Variants in SLC25A48 observed in about 807,000 individuals in gnomAD.
SLC25A48 encodes CTC-321K16.1.
In SLC25A48, 29 loss-of-function variants were observed where a neutral mutation model predicts 32.2. The ratio of observed to expected loss-of-function variants is 0.90; its 90% CI spans 0.67 to 1.23. SLC25A48 has a LOEUF of 1.23. Among genes scored for constraint, SLC25A48 ranks in the 50% most tolerant of loss-of-function variants. The pLI, the probability that SLC25A48 is intolerant of heterozygous loss-of-function variation, is 0.00. For synonymous variants in SLC25A48, 164 were observed against 172.3 expected, an observed-to-expected ratio of 0.95 and a Z score of 0.38; for missense variants, 399 against 422.7, an observed-to-expected ratio of 0.94 and a Z score of 0.49.
chr5:135,767,937 T>C (rs1756286464), intron 3 of SLC25A48, among the ~76,000 whole-genome samples: 1 of 146,298 alleles, frequency 6.8e-6, no homozygotes, highest in African/African-American at 2.7e-5. Flanking sequence ...CACACCCCTG[T>C]GATATTGTTT....
chr5:135,584,141 AG>A (rs1164612800), intron 1 of SLC25A48, among the ~76,000 whole-genome samples: 1 of 152,250 alleles, frequency 6.6e-6, no homozygotes, highest in African/African-American at 2.4e-5. Context: ...GATGGGTCAC[AG>A]GGGGCACTGC....
chr5:135,853,790 A>G (rs1271301750), intron 4 of SLC25A48, among the ~76,000 whole-genome samples: 2 of 152,232 alleles, frequency 1.3e-5, no homozygotes, highest in Admixed American at 1.3e-4. Context: ...AAGAGCATCT[A>G]GAATGGTGAA....
intron 1 of SLC25A48, among the ~76,000 whole-genome samples, chr5:135,600,512 C>A (rs1751770071): frequency 6.6e-6 from 1 of 152,162 alleles, no homozygotes. Flanking sequence ...CCTGACTAAC[C>A]TTCCTCGGGC....
chr5:135,832,090 G>A (rs73789198), upstream of SLC25A48, among the ~76,000 whole-genome samples: 7,674 of 152,194 alleles, frequency 0.05, 427 homozygotes, highest in African/African-American at 0.14. Flanking sequence ...AGGCACTGGC[G>A]GAGGAAGAGA....
chr5:135,806,183 C>T (rs1245292893), intron 3 of SLC25A48, among the ~76,000 whole-genome samples: 1 of 151,424 alleles, frequency 6.6e-6, no homozygotes, highest in Admixed American at 6.6e-5. Flanking sequence ...ATGTACACCC[C>T]GTGATATGAT....
chr5:135,590,016 A>T (rs1201022759), intron 1 of SLC25A48, among the ~76,000 whole-genome samples: 1 of 152,118 alleles, frequency 6.6e-6, no homozygotes, highest in Non-Finnish European at 1.5e-5. Flanking sequence ...AATCCAGTCT[A>T]TTGGTTTTCA....
At chr5:135,884,403 G>A (rs762873621) in intron 7 of SLC25A48, among the ~76,000 whole-genome samples, 1 of 152,124 alleles carries the variant, frequency 6.6e-6, no homozygotes, top group African/African-American at 2.4e-5. Context: ...GGGACTGCAG[G>A]GTCCCCTGGG....
chr5:135,850,571 C>A, intron 3 of SLC25A48, 75 bp downstream of exon 3: 1 of 1,414,888 alleles, frequency 7.1e-7, no homozygotes, highest in Non-Finnish European at 9.9e-7. Flanking sequence ...CACAGCCCCA[C>A]ACCAGCATGC....
intron 3 of SLC25A48, among the ~76,000 whole-genome samples, chr5:135,723,360 TCA>T (rs1340823138): frequency 9.2e-5 from 10 of 108,736 alleles, no homozygotes; most frequent in Non-Finnish European, 1.8e-4. Context: ...AGTCTGTCTC[TCA>T]CTCTCTCTCT....
intron 3 of SLC25A48, among the ~76,000 whole-genome samples, chr5:135,712,795 CT>C (rs1375224812): frequency 2.0e-5 from 3 of 152,194 alleles, no homozygotes; most frequent in African/African-American, 7.2e-5. Flanking sequence ...CTAGACATGA[CT>C]GAGGAGCACA....
intron 1 of SLC25A48, among the ~76,000 whole-genome samples, chr5:135,585,501 A>G (rs1358450026): frequency 1.3e-5 from 2 of 152,082 alleles, no homozygotes; most frequent in African/African-American, 2.4e-5. Context: ...AAAGGCTCCT[A>G]TGAGGTCTTC....
At chr5:135,765,220 G>A (rs915293181) in intron 3 of SLC25A48, among the ~76,000 whole-genome samples, 2 of 151,412 alleles carry the variant, frequency 1.3e-5, no homozygotes, top group South Asian at 2.1e-4. Context: ...ATCCAGGGTG[G>A]GAGATGGTGA....
At chr5:135,886,697 A>T (rs796374580) in intron 7 of SLC25A48, among the ~76,000 whole-genome samples, 9,652 of 131,680 alleles carry the variant, frequency 0.073, 757 homozygotes, top group African/African-American at 0.087. Flanking sequence ...AGAGAGAGAG[A>T]GAGAGTGTGT....
intron 2 of SLC25A48, among the ~76,000 whole-genome samples, chr5:135,845,719 C>T (rs1252148781): frequency 2.0e-5 from 3 of 152,126 alleles, no homozygotes; most frequent in Non-Finnish European, 2.9e-5. Context: ...CAGCAATGAG[C>T]GAGATGATGC....
chr5:135,832,128 A>G (rs1164939382), upstream of SLC25A48, among the ~76,000 whole-genome samples: 2 of 152,028 alleles, frequency 1.3e-5, no homozygotes, highest in Non-Finnish European at 2.9e-5. Flanking sequence ...CGCTAAGATG[A>G]CCCGAGCCAC....
chr5:135,804,132 TATGA>T (rs1757403134), intron 3 of SLC25A48, among the ~76,000 whole-genome samples: 1 of 151,554 alleles, frequency 6.6e-6, no homozygotes, highest in Admixed American at 6.6e-5. Flanking sequence ...CCTATGATAT[TATGA>T]ATGATGTCAC....
At chr5:135,668,996 G>A (rs904885022) in intron 3 of SLC25A48, among the ~76,000 whole-genome samples, 16 of 152,158 alleles carry the variant, frequency 1.1e-4, no homozygotes, top group Admixed American at 7.9e-4. Context: ...TAATAAAAGA[G>A]AATGTCAGTA....
intron 1 of SLC25A48, among the ~76,000 whole-genome samples, chr5:135,605,146 T>A (rs1404269279): frequency 6.6e-6 from 1 of 152,256 alleles, no homozygotes; most frequent in Non-Finnish European, 1.5e-5. Context: ...ATAATGGCTA[T>A]CTATGTTATG....
At chr5:135,854,086 C>T (rs4976503) in intron 4 of SLC25A48, among the ~76,000 whole-genome samples, 72,569 of 152,040 alleles carry the variant, frequency 0.48, 19,775 homozygotes, top group East Asian at 0.69. Context: ...GTCTCAACAG[C>T]GGACCTAAAA....
Sources: gnomAD v4.1 joint callset for allele counts (sites outside exome capture counted in the v4.1 genomes callset) on GRCh38, gnomAD v4.1.1 for gene constraint, MANE v1.5 for transcripts, NCBI Gene and HGNC (gene_info 2026-07-23, HGNC 2026-07-21) for gene names.